The following SVIL variants were observed in gnomAD, a reference collection of about 807,000 sequenced individuals.
SVIL encodes supervillin, also known as archvillin.
A neutral mutation model predicts 240.4 loss-of-function variants in SVIL; 101 were observed. The observed-to-expected ratio is 0.42, with a 90% CI of 0.36 to 0.50. The LOEUF (loss-of-function observed/expected upper bound fraction) is 0.50, where lower values mean the gene tolerates loss of function less well. SVIL is among the 20% of genes least tolerant of loss of function. The pLI is 0.01. For missense variants in SVIL, 2,512 were observed against 2,818.7 expected (o/e 0.89, Z 2.46); for synonymous variants, 999 against 1,100.0 (o/e 0.91, Z 1.82).
chr10:29,470,500 C>T lies in SVIL; in HGVS notation c.5636-17G>A, dbSNP rs372485881. ...GCCACTCACCTGCAGGGGGCACCGG[C>T]GGCGCGGAGGAGTTAGCACGTGAGC... is the stretch of plus-strand genomic sequence containing the variant. On this transcript the variant is annotated splice_polypyrimidine_tract_variant and intron_variant, in intron 31 of 37. Coordinates refer to ENST00000355867, the MANE Select transcript of SVIL (RefSeq NM_021738.3). 2.1e-5 allele frequency: 34 copies of T among 1,613,572 alleles called. No individual in the cohort carries two copies. Among genetic ancestry groups the T allele is most frequent in the Admixed American group, 6.7e-5 (4 of 59,998 alleles).
At chr10:29,648,654 A>T (rs1048054245) in intron 3 of SVIL, among the ~76,000 whole-genome samples, 3 of 152,176 alleles carry the variant, frequency 2.0e-5, no homozygotes, top group Non-Finnish European at 2.9e-5. Context: ...TCAAGAAATC[A>T]AAGTGCCCTT....
intron 3 of SVIL, chr10:29,647,090 T>G (rs1958683182): frequency 6.6e-6 from 1 of 152,208 alleles, no homozygotes; most frequent in South Asian, 2.1e-4. Flanking sequence ...CAAGAGGACA[T>G]GCTTAGGACA....
At chr10:29,568,458 G>T (rs1213520750) in intron 2 of SVIL, among the ~76,000 whole-genome samples, 1 of 152,004 alleles carries the variant, frequency 6.6e-6, no homozygotes, top group Admixed American at 6.6e-5. Flanking sequence ...AATGGGGGCT[G>T]GGTCCTTCCG....
At chr10:29,714,067 C>T (rs915825962) in intron 1 of SVIL, among the ~76,000 whole-genome samples, 1 of 152,166 alleles carries the variant, frequency 6.6e-6, no homozygotes, top group Admixed American at 6.5e-5. Flanking sequence ...CTAATTCCTA[C>T]CTTGTATAGA....
intron 12 of SVIL, among the ~76,000 whole-genome samples, chr10:29,528,700 G>A (rs1490871816): frequency 1.3e-5 from 2 of 152,050 alleles, no homozygotes; most frequent in Non-Finnish European, 2.9e-5. Flanking sequence ...ATGGCGCACT[G>A]CATTCCAGCC....
chr10:29,691,565 G>A (rs1457214485), intron 1 of SVIL, among the ~76,000 whole-genome samples: 1 of 152,156 alleles, frequency 6.6e-6, no homozygotes. Context: ...CAGCTTCTGT[G>A]ACCAAAATAA....
intron 29 of SVIL, among the ~76,000 whole-genome samples, chr10:29,475,935 A>T (rs1314850737): frequency 1.3e-5 from 2 of 152,190 alleles, no homozygotes; most frequent in African/African-American, 4.8e-5. Context: ...TATTTATTTG[A>T]TTTTTAGCCC....
intron 22 of SVIL, among the ~76,000 whole-genome samples, chr10:29,490,432 C>A (rs769643754): frequency 1.3e-5 from 2 of 152,012 alleles, no homozygotes; most frequent in Non-Finnish European, 2.9e-5. Flanking sequence ...CTTCTAACTT[C>A]CAGAAAAAAA....
chr10:29,606,594 A>C (rs192575653), intron 1 of SVIL, among the ~76,000 whole-genome samples: 1 of 152,320 alleles, frequency 6.6e-6, no homozygotes, highest in Admixed American at 6.5e-5. Flanking sequence ...TTGTATAACT[A>C]TAATGCTATT....
At chr10:29,706,972 G>T (rs1348800676) in intron 1 of SVIL, among the ~76,000 whole-genome samples, 4 of 152,062 alleles carry the variant, frequency 2.6e-5, no homozygotes, top group Non-Finnish European at 5.9e-5. Context: ...TATTTCTGAG[G>T]TCTCTGTTCT....
intron 12 of SVIL, among the ~76,000 whole-genome samples, chr10:29,527,425 T>C (rs1386920113): frequency 6.6e-6 from 1 of 152,188 alleles, no homozygotes; most frequent in African/African-American, 2.4e-5. Context: ...ATCTAATTTT[T>C]TTCTTTCTTT....
At chr10:29,622,568 AAC>A (rs1300915920) in intron 1 of SVIL, among the ~76,000 whole-genome samples, 1 of 152,210 alleles carries the variant, frequency 6.6e-6, no homozygotes, top group Non-Finnish European at 1.5e-5. Context: ...ACAAGCCATC[AAC>A]ACAGAAAGAT....
chr10:29,633,627 C>T (rs1031969081), intron 1 of SVIL, among the ~76,000 whole-genome samples: 2 of 151,874 alleles, frequency 1.3e-5, no homozygotes, highest in Non-Finnish European at 2.9e-5. Flanking sequence ...AATGACTGCC[C>T]GTACTTGTCC....
At chr10:29,494,257 C>T (rs1216476371) in intron 20 of SVIL, among the ~76,000 whole-genome samples, 1 of 152,124 alleles carries the variant, frequency 6.6e-6, no homozygotes, top group African/African-American at 2.4e-5. Flanking sequence ...GATCACTGCT[C>T]CATGTGTGTA....
intron 21 of SVIL, among the ~76,000 whole-genome samples, chr10:29,492,523 G>T (rs1459342894): frequency 6.6e-6 from 1 of 151,906 alleles, no homozygotes; most frequent in Non-Finnish European, 1.5e-5. Flanking sequence ...CAGTGGCTGA[G>T]CCGGCAAACC....
intron 16 of SVIL, among the ~76,000 whole-genome samples, chr10:29,518,714 G>C (rs184215230): frequency 1.3e-5 from 2 of 152,252 alleles, no homozygotes; most frequent in Admixed American, 6.5e-5. Flanking sequence ...AAATTAGCTG[G>C]TTATGGTGGT....
chr10:29,599,933 T>C (rs1186756772), intron 1 of SVIL, among the ~76,000 whole-genome samples: 4 of 151,826 alleles, frequency 2.6e-5, no homozygotes, highest in South Asian at 2.1e-4. Flanking sequence ...GAGGTAGGAG[T>C]AGGGTAATCT....
chr10:29,471,460 TAGG>T lies in SVIL; in HGVS notation c.5530-220_5530-218del, dbSNP rs142646651. 6.9e-4 allele frequency among the ~76,000 whole-genome samples: 105 copies of T among 152,318 alleles called. 2 individuals are homozygous for T. In the East Asian group the frequency reaches 0.019, roughly 28 times the overall value. ...GAGGGTCTTCTTTTCCTAAACAAAA[TAGG>T]AGCCTTGCTTTATATTGATGTACAG... On this transcript the variant is annotated intron_variant, in intron 30 of 37. Coordinates refer to ENST00000355867, the MANE Select transcript of SVIL (RefSeq NM_021738.3).
chr10:29,523,417 G>T lies in SVIL; in HGVS notation c.3163+34C>A. 4.6e-6 allele frequency: 7 copies of T among 1,534,332 alleles called. No individual in the cohort carries two copies. In the South Asian group the frequency reaches 9.0e-5, roughly 20 times the overall value. ...ATCAAGCAGAAACTAAAACCCAGTG[G>T]CTTTCTAAAGCTTTAGGGGCACTGG... On this transcript the variant is annotated intron_variant, in intron 15 of 37. Coordinates refer to ENST00000355867, the MANE Select transcript of SVIL (RefSeq NM_021738.3).
Sources: allele counts gnomAD v4.1 joint callset (sites outside exome capture counted in the v4.1 genomes callset), GRCh38; gene constraint gnomAD v4.1.1; transcripts MANE v1.5; gene names NCBI Gene and HGNC (gene_info 2026-07-23, HGNC 2026-07-21).